KCNQ3: variants seen among roughly 807,000 people sequenced by gnomAD.
KCNQ3 encodes potassium voltage-gated channel subfamily KQT member 3.
A neutral mutation model predicts 92.5 loss-of-function variants in KCNQ3; 30 were observed. The ratio of observed to expected loss-of-function variants is 0.32; its 90% CI spans 0.24 to 0.44. The LOEUF (loss-of-function observed/expected upper bound fraction) is 0.44. Among genes scored for constraint, KCNQ3 ranks in the 20% least tolerant of loss-of-function variants. KCNQ3 has a pLI of 1.00. For missense variants in KCNQ3, 913 were observed against 1,140.3 expected (o/e 0.80, Z 2.87); for synonymous variants, 450 against 468.8 (o/e 0.96, Z 0.52).
intron 1 of KCNQ3, among the ~76,000 whole-genome samples, chr8:132,407,887 G>A (rs1040762611): frequency 3.9e-5 from 6 of 152,160 alleles, no homozygotes; most frequent in African/African-American, 9.7e-5. Context: ...GGGGAACTCC[G>A]AGCTAACGAA....
intron 1 of KCNQ3, among the ~76,000 whole-genome samples, chr8:132,248,781 C>A (rs1224591547): frequency 6.6e-6 from 1 of 152,174 alleles, no homozygotes; most frequent in Non-Finnish European, 1.5e-5. Context: ...AGAACAAGAT[C>A]CAGCTGAATT....
At chr8:132,466,175 A>G (rs565686438) in intron 1 of KCNQ3, among the ~76,000 whole-genome samples, 1 of 152,276 alleles carries the variant, frequency 6.6e-6, no homozygotes, top group African/African-American at 2.4e-5. Flanking sequence ...ATTTACAAAT[A>G]CTTTTAATTC....
At chr8:132,226,585 C>CAA (rs1814428283) in intron 1 of KCNQ3, among the ~76,000 whole-genome samples, 2 of 152,284 alleles carry the variant, frequency 1.3e-5, no homozygotes, top group East Asian at 3.9e-4. Flanking sequence ...GAATGGTGTT[C>CAA]TTAAAAATAA....
intron 1 of KCNQ3, among the ~76,000 whole-genome samples, chr8:132,452,471 C>G (rs1323169267): frequency 1.3e-5 from 2 of 152,202 alleles, no homozygotes; most frequent in East Asian, 3.9e-4. Context: ...GCTGCTTTAT[C>G]ACCTCCACTG....
intron 1 of KCNQ3, among the ~76,000 whole-genome samples, chr8:132,297,539 C>A (rs192312362): frequency 2.6e-5 from 4 of 152,214 alleles, no homozygotes; most frequent in Admixed American, 6.5e-5. Flanking sequence ...AGAGCCTTTC[C>A]CACTACAGCA....
chr8:132,241,748 C>T (rs998098023), intron 1 of KCNQ3, among the ~76,000 whole-genome samples: 2 of 151,934 alleles, frequency 1.3e-5, no homozygotes, highest in South Asian at 2.1e-4. Flanking sequence ...GCAGGAAAAT[C>T]ACTTGAACTG....
At chr8:132,475,415 C>G (rs1054484506) in intron 1 of KCNQ3, among the ~76,000 whole-genome samples, 8 of 152,122 alleles carry the variant, frequency 5.3e-5, no homozygotes, top group Non-Finnish European at 8.8e-5. Flanking sequence ...AAAATGCTGA[C>G]AGTGATATGG....
intron 9 of KCNQ3, among the ~76,000 whole-genome samples, chr8:132,143,282 T>C (rs887559306): frequency 2.6e-5 from 4 of 151,878 alleles, no homozygotes; most frequent in African/African-American, 9.7e-5. Flanking sequence ...AAATGACTAA[T>C]AGGACAGAGC....
intron 1 of KCNQ3, among the ~76,000 whole-genome samples, chr8:132,241,983 T>C (rs999531094): frequency 2.0e-5 from 3 of 151,986 alleles, no homozygotes. Context: ...CAAGGGCATC[T>C]AGGTAGATCA....
chr8:132,168,011 A>T (rs1317029845), intron 8 of KCNQ3, among the ~76,000 whole-genome samples: 5 of 152,234 alleles, frequency 3.3e-5, no homozygotes, highest in Non-Finnish European at 5.9e-5. Context: ...AAATGGAAAC[A>T]TGTAAGTCAT....
In KCNQ3 at chr8:132,195,823, C is replaced by T. The variant is rs146554820; in HGVS notation, c.387-9642G>A. Among the ~76,000 whole-genome samples, 26 of 152,238 alleles carry T rather than the reference C, an allele frequency of 1.7e-4. No homozygotes were observed. The East Asian group carries it at 4.4e-3, about 26-fold the overall frequency. ...GTTGACAGTGAAAAGATAGAAAATG[C>T]TATTCCTCGCAAACAGGAGCCAAAC... On this transcript the variant is annotated intron_variant, in intron 1 of 14. Coordinates refer to ENST00000388996, the MANE Select transcript of KCNQ3 (RefSeq NM_004519.4).
At chr8:132,138,805 T>G (rs1216419645) in intron 11 of KCNQ3, among the ~76,000 whole-genome samples, 1 of 152,240 alleles carries the variant, frequency 6.6e-6, no homozygotes, top group East Asian at 1.9e-4. Flanking sequence ...AAGTTCATTT[T>G]GTTTGTCATA....
At chr8:132,135,868 C>G (rs2469513) in intron 12 of KCNQ3, among the ~76,000 whole-genome samples, 48,127 of 151,796 alleles carry the variant, frequency 0.32, 8,658 homozygotes, top group Non-Finnish European at 0.42. Flanking sequence ...GTGGCTGACG[C>G]CTGTAATACC....
chr8:132,260,165 T>C (rs1311928743), intron 1 of KCNQ3, among the ~76,000 whole-genome samples: 2 of 152,188 alleles, frequency 1.3e-5, no homozygotes, highest in African/African-American at 4.8e-5. Flanking sequence ...CAATTCGATT[T>C]GTATTCTCAG....
At chr8:132,171,033 C>T (rs1227361252) in intron 7 of KCNQ3, among the ~76,000 whole-genome samples, 1 of 151,808 alleles carries the variant, frequency 6.6e-6, no homozygotes, top group Non-Finnish European at 1.5e-5. Flanking sequence ...AAAAAGTAAA[C>T]AATAAAATAT....
At chr8:132,443,221 C>T (rs971423658) in intron 1 of KCNQ3, among the ~76,000 whole-genome samples, 1 of 152,102 alleles carries the variant, frequency 6.6e-6, no homozygotes, top group African/African-American at 2.4e-5. Context: ...GAAATCCACC[C>T]CCACCTATGG....
intron 1 of KCNQ3, among the ~76,000 whole-genome samples, chr8:132,470,562 A>G (rs1450807752): frequency 6.6e-6 from 1 of 152,222 alleles, no homozygotes; most frequent in Non-Finnish European, 1.5e-5. Context: ...TGCACCATGC[A>G]TCTCTTCAAA....
intron 1 of KCNQ3, among the ~76,000 whole-genome samples, chr8:132,437,008 G>A (rs1360913016): frequency 7.2e-5 from 11 of 152,080 alleles, no homozygotes; most frequent in East Asian, 1.9e-4. Flanking sequence ...GGCCGGGCGC[G>A]GTGGCTCACG....
chr8:132,149,452 T>A (rs1825566586), intron 9 of KCNQ3, among the ~76,000 whole-genome samples: 1 of 152,180 alleles, frequency 6.6e-6, no homozygotes, highest in Non-Finnish European at 1.5e-5. Flanking sequence ...TGCCTAATCT[T>A]TCCTGGTCAT....
Sources: allele counts gnomAD v4.1 joint callset (sites outside exome capture counted in the v4.1 genomes callset), GRCh38; gene constraint gnomAD v4.1.1; transcripts MANE v1.5; gene names NCBI Gene and HGNC (gene_info 2026-07-23, HGNC 2026-07-21).